ASTN2: variants seen among roughly 807,000 people sequenced by gnomAD.
ASTN2 encodes the protein astrotactin-2.
A neutral mutation model predicts 139.8 loss-of-function variants in ASTN2; 54 were observed. The observed-to-expected ratio is 0.39, with a 90% CI of 0.31 to 0.48. The LOEUF (loss-of-function observed/expected upper bound fraction) is 0.48. Ranked by LOEUF, ASTN2 falls within the 20% of genes least tolerant of loss-of-function variation. ASTN2 has a pLI of 0.95. For synonymous variants in ASTN2, 756 were observed against 719.5 expected (o/e 1.05, Z -0.81); for missense variants, 1,565 against 1,725.1 (o/e 0.91, Z 1.64).
At chr9:116,835,876 T>C (rs1331784726) in intron 11 of ASTN2, among the ~76,000 whole-genome samples, 2 of 152,158 alleles carry the variant, frequency 1.3e-5, no homozygotes, top group Non-Finnish European at 2.9e-5. Context: ...AGCCTCAAAC[T>C]CCTGGGCTTA....
chr9:116,825,497 C>G (rs1359710531), intron 11 of ASTN2, among the ~76,000 whole-genome samples: 2 of 152,172 alleles, frequency 1.3e-5, no homozygotes, highest in African/African-American at 4.8e-5. Context: ...TGTCCCTCCT[C>G]CATGGAGAGG....
chr9:117,308,219 A>G (rs1183599763), intron 1 of ASTN2, among the ~76,000 whole-genome samples: 1 of 76,578 alleles, frequency 1.3e-5, no homozygotes, highest in Non-Finnish European at 3.7e-5. Flanking sequence ...GGCAAAATCA[A>G]TCAATCAATC....
At chr9:116,955,278 A>G (rs1835676536) in intron 10 of ASTN2, among the ~76,000 whole-genome samples, 1 of 152,242 alleles carries the variant, frequency 6.6e-6, no homozygotes, top group Non-Finnish European at 1.5e-5. Context: ...TCCTTGGTTC[A>G]TAAAAAGTCC....
rs1263995327 is a variant in ASTN2 at position 116,620,362 on chromosome 9, T to C, written c.3154A>G (p.Ser1052Gly). Reference protein sequence around the residue: ...VIDDWCRCDLSAFDANGLPNC... With the variant: ...VIDDWCRCDLGAFDANGLPNC... ...GGGAGCCCATTGGCATCAAAGGCGC[T>C]GAGGTCACACCTGCACCAGTCATCG... is the stretch of plus-strand genomic sequence containing the variant. The change falls in exon 18 of 23, where the codon AGC becomes GGC. Residue 1052 changes from serine to glycine, a missense_variant. Ser to Gly is a moderately conservative substitution (Grantham distance 56, BLOSUM62 0). This residue lies in a region of ASTN2 where 418 missense variants were observed against 465.8 expected (regional missense o/e 0.90). Transcript: ENST00000313400. The C allele has an allele frequency of 6.2e-7, 1 of 1,614,044 alleles. No individual in the cohort carries two copies. The highest frequency in any genetic ancestry group is 8.5e-7 in the Non-Finnish European group (1 of 1,180,024).
chr9:117,147,550 A>G (rs999127382), intron 3 of ASTN2, among the ~76,000 whole-genome samples: 1 of 152,084 alleles, frequency 6.6e-6, no homozygotes, highest in East Asian at 1.9e-4. Flanking sequence ...TTGAAGTTCC[A>G]GTATCACTTT....
chr9:117,212,494 T>G (rs190510495), intron 3 of ASTN2, among the ~76,000 whole-genome samples: 1 of 152,012 alleles, frequency 6.6e-6, no homozygotes, highest in Admixed American at 6.5e-5. Context: ...GGAGAAAATA[T>G]TCATAAAATA....
intron 11 of ASTN2, among the ~76,000 whole-genome samples, chr9:116,827,772 A>C (rs1831678618): frequency 6.6e-6 from 1 of 152,160 alleles, no homozygotes. Context: ...AGAAAAAGCC[A>C]AGGACTGGAT....
intron 19 of ASTN2, among the ~76,000 whole-genome samples, chr9:116,596,047 AATGG>A (rs1854559665): frequency 6.6e-6 from 1 of 152,190 alleles, no homozygotes; most frequent in South Asian, 2.1e-4. Context: ...TCGACAAATA[AATGG>A]ATGAAGAAAA....
At chr9:117,018,538 T>C (rs1056776007) in intron 6 of ASTN2, among the ~76,000 whole-genome samples, 1 of 152,170 alleles carries the variant, frequency 6.6e-6, no homozygotes, top group East Asian at 1.9e-4. Flanking sequence ...TGTTTGTAAG[T>C]GTTCCTTTTT....
intron 3 of ASTN2, among the ~76,000 whole-genome samples, chr9:117,201,333 C>T (rs1396014954): frequency 1.3e-5 from 2 of 152,010 alleles, no homozygotes; most frequent in African/African-American, 4.8e-5. Context: ...CCTCTGGATT[C>T]GTTCAGTTTT....
At chr9:116,932,080 G>A (rs1834914976) in intron 10 of ASTN2, among the ~76,000 whole-genome samples, 1 of 152,170 alleles carries the variant, frequency 6.6e-6, no homozygotes, top group Non-Finnish European at 1.5e-5. Flanking sequence ...AGAGGCCATG[G>A]TAACACACTT....
chr9:117,242,390 A>G (rs1237067416), intron 2 of ASTN2, among the ~76,000 whole-genome samples: 2 of 152,162 alleles, frequency 1.3e-5, no homozygotes, highest in East Asian at 3.9e-4. Context: ...CTGAGTTCTT[A>G]GTACTTGATG....
rs549351063 is a variant in ASTN2 at position 116,894,268 on chromosome 9, G to T, written c.1890-30535C>A. Among the ~76,000 whole-genome samples, 10 of 152,212 alleles carry T rather than the reference G, an allele frequency of 6.6e-5. No homozygotes were observed. In the East Asian group the frequency reaches 1.7e-3, roughly 26 times the overall value. ...GGAAGTGGTAGGTAGGGACAGGGTG[G>T]ATGGTAATTGATATTTCATGGTGAC... On this transcript the variant is annotated intron_variant, in intron 10 of 22. Coordinates refer to ENST00000313400, the MANE Select transcript of ASTN2 (RefSeq NM_001365068.1).
chr9:116,635,211 G>A (rs955231087), intron 17 of ASTN2, among the ~76,000 whole-genome samples: 3 of 152,106 alleles, frequency 2.0e-5, no homozygotes, highest in Admixed American at 2.0e-4. Flanking sequence ...ATAACATTCA[G>A]AGCCACCCTA....
chr9:116,474,945 T>TA (rs796413725), intron 20 of ASTN2, among the ~76,000 whole-genome samples: 6 of 152,290 alleles, frequency 3.9e-5, no homozygotes, highest in African/African-American at 1.2e-4. Flanking sequence ...GGTCACAGCC[T>TA]ACTGGTAAAA....
intron 2 of ASTN2, among the ~76,000 whole-genome samples, chr9:117,267,386 A>G (rs532547839): frequency 2.0e-5 from 3 of 152,310 alleles, no homozygotes; most frequent in African/African-American, 4.8e-5. Context: ...GCACCCTGGG[A>G]TCACTTGGTT....
At chr9:116,974,506 C>CTTTTTTTTTT (rs3038410) in intron 10 of ASTN2, among the ~76,000 whole-genome samples, 1 of 110,922 alleles carries the variant, frequency 9.0e-6, no homozygotes, top group Non-Finnish European at 1.8e-5. Flanking sequence ...TTAGCCTGGA[C>CTTTTTTTTTT]TTTTTTTTTT....
intron 2 of ASTN2, among the ~76,000 whole-genome samples, chr9:117,258,679 G>T (rs986407797): frequency 5.3e-5 from 8 of 152,104 alleles, no homozygotes; most frequent in Admixed American, 2.0e-4. Flanking sequence ...CACCCACAGT[G>T]CTTCCCCAGG....
chr9:117,187,344 C>A (rs1831226874), intron 3 of ASTN2, among the ~76,000 whole-genome samples: 2 of 152,062 alleles, frequency 1.3e-5, no homozygotes, highest in East Asian at 3.9e-4. Flanking sequence ...AACAGAGATG[C>A]AAAGGCCCTG....
Sources: gnomAD v4.1 joint callset for allele counts (sites outside exome capture counted in the v4.1 genomes callset) on GRCh38, gnomAD v4.1.1 for gene constraint, gnomAD v4.1.1 regional missense constraint, MANE v1.5 for transcripts, NCBI Gene and HGNC (gene_info 2026-07-23, HGNC 2026-07-21) for gene names.